Variants in SNX31 observed in about 807,000 individuals in gnomAD.
The protein encoded by SNX31 is sorting nexin 31, also known as sorting nexin-31.
In SNX31, 58 loss-of-function variants were observed where a neutral mutation model predicts 65.4. The ratio of observed to expected loss-of-function variants is 0.89; its 90% CI spans 0.72 to 1.10. The LOEUF is 1.10. SNX31 is among the 50% of genes least tolerant of loss of function. The pLI is 0.00. For synonymous variants in SNX31, 181 were observed against 190.1 expected (o/e 0.95, Z 0.39); for missense variants, 523 against 529.7 (o/e 0.99, Z 0.12).
intron 4 of SNX31, among the ~76,000 whole-genome samples, chr8:100,621,300 G>A (rs1265851241): frequency 6.6e-6 from 1 of 152,180 alleles, no homozygotes; most frequent in African/African-American, 2.4e-5. Flanking sequence ...TGTGATAACT[G>A]CAGCACTCTT....
At chr8:100,603,500 A>G (rs1815843916) in intron 8 of SNX31, among the ~76,000 whole-genome samples, 1 of 151,184 alleles carries the variant, frequency 6.6e-6, no homozygotes. Context: ...CAATGGCGCA[A>G]TCTCGGCTCA....
At chr8:100,636,451 G>A (rs370576382) in intron 2 of SNX31, among the ~76,000 whole-genome samples, 1 of 152,176 alleles carries the variant, frequency 6.6e-6, no homozygotes, top group South Asian at 2.1e-4. Flanking sequence ...GTAGCCACCA[G>A]TCACCTGTTG....
chr8:100,652,458 G>GTAT (rs1170844358), upstream of SNX31, among the ~76,000 whole-genome samples: 7 of 152,160 alleles, frequency 4.6e-5, no homozygotes, highest in Non-Finnish European at 1.0e-4. Context: ...CTTCTTATGA[G>GTAT]CCAGGCGCTG....
chr8:100,626,093 G>A lies in SNX31; in HGVS notation c.321+4234C>T, dbSNP rs1418727803. ...ATACAAAAATTAACTGGGTGTGGTG[G>A]CATGCGCCTGTAGTCCCAGCAACTC... On this transcript the variant is annotated intron_variant, in intron 4 of 13. Transcript: ENST00000311812. This position sits in a 1 kb window ranked among gnomAD's most constrained non-coding sequence, Gnocchi z 4.4. Among the ~76,000 whole-genome samples the A allele has an allele frequency of 1.3e-5, 2 of 152,266 alleles. No individual in the cohort carries two copies. Among genetic ancestry groups the A allele is most frequent in the East Asian group, 3.9e-4 (2 of 5,188 alleles).
intron 12 of SNX31, among the ~76,000 whole-genome samples, chr8:100,579,324 G>A (rs1309231382): frequency 2.0e-5 from 3 of 152,094 alleles, no homozygotes; most frequent in Non-Finnish European, 4.4e-5. Context: ...AATACTTTAT[G>A]TACTAGGGGG....
intron 1 of SNX31, among the ~76,000 whole-genome samples, chr8:100,662,497 A>C (rs1809804095): frequency 1.3e-5 from 2 of 152,178 alleles, no homozygotes; most frequent in Admixed American, 6.5e-5. Flanking sequence ...CAGGGGTTTG[A>C]GATCAGCCTG....
At chr8:100,590,784 A>AAACAAC (rs56687985) in intron 10 of SNX31, among the ~76,000 whole-genome samples, 10 of 151,740 alleles carry the variant, frequency 6.6e-5, no homozygotes, top group South Asian at 4.2e-4. Context: ...TCCATCTCGA[A>AAACAAC]AACAACAACA....
chr8:100,584,756 T>A (rs1303778203), intron 11 of SNX31, among the ~76,000 whole-genome samples: 1 of 150,106 alleles, frequency 6.7e-6, no homozygotes, highest in Non-Finnish European at 1.5e-5. Context: ...TTCTTTTTTT[T>A]TTTTTTTTCT....
At chr8:100,587,491 AC>A (rs372116018) in intron 11 of SNX31, among the ~76,000 whole-genome samples, 61 of 152,294 alleles carry the variant, frequency 4.0e-4, no homozygotes, top group African/African-American at 1.4e-3. Context: ...CTGATTAGCT[AC>A]CCTGAACACA....
chr8:100,647,840 C>G (rs780436573), intron 2 of SNX31, among the ~76,000 whole-genome samples: 1 of 152,196 alleles, frequency 6.6e-6, no homozygotes, highest in Non-Finnish European at 1.5e-5. Context: ...GCCTAAGACA[C>G]TCATCCTTTC....
intron 2 of SNX31, among the ~76,000 whole-genome samples, chr8:100,646,407 A>C (rs1819643814): frequency 6.6e-6 from 1 of 152,198 alleles, no homozygotes; most frequent in African/African-American, 2.4e-5. Context: ...CTCAGAAAGA[A>C]CAGTTGGTAA....
chr8:100,661,533 T>C (rs1394331245), intron 1 of SNX31, among the ~76,000 whole-genome samples: 1 of 152,078 alleles, frequency 6.6e-6, no homozygotes, highest in Non-Finnish European at 1.5e-5. Context: ...TGGGAAATAA[T>C]GATAGCTAAT....
upstream of SNX31, among the ~76,000 whole-genome samples, chr8:100,651,985 CT>C (rs35499660): frequency 0.45 from 66,992 of 149,472 alleles, 15,088 homozygotes; most frequent in South Asian, 0.54. Flanking sequence ...GTTTTTAATT[CT>C]TTTTTTTTTT....
At chr8:100,636,266 A>G (rs998701235) in intron 2 of SNX31, among the ~76,000 whole-genome samples, 1 of 152,188 alleles carries the variant, frequency 6.6e-6, no homozygotes, top group African/African-American at 2.4e-5. Context: ...GCTGAGATGT[A>G]TTTTTATTTT....
intron 1 of SNX31, 47 bp from the exon 2 acceptor site, chr8:100,649,395 G>C: frequency 1.2e-6 from 2 of 1,610,192 alleles, no homozygotes; most frequent in Non-Finnish European, 1.7e-6. Flanking sequence ...AGGGATAAGT[G>C]AGCATTGCCA....
rs778835930 is a variant in SNX31 at position 100,649,410 on chromosome 8, C to T, written c.66+39G>A. 5 of 1,594,906 alleles carry T rather than the reference C, an allele frequency of 3.1e-6. No homozygotes were observed. The East Asian group carries it at 9.0e-5, about 29-fold the overall frequency. On this transcript the variant is annotated intron_variant, in intron 1 of 13. Coordinates refer to ENST00000311812, the MANE Select transcript of SNX31 (RefSeq NM_152628.4). Reference sequence around the variant, plus strand: ...AGGGATAAGTGAGCATTGCCACCGGCCCCCTCCCTGCCCACCCTGACCCCA... The same window carrying T: ...AGGGATAAGTGAGCATTGCCACCGGTCCCCTCCCTGCCCACCCTGACCCCA...
Position 100,656,597 on chromosome 8 carries a change from C to T in SNX31, c.-58+6545G>A, listed in dbSNP as rs556417293. Among the ~76,000 whole-genome samples, 120 of 134,972 alleles carry T rather than the reference C, an allele frequency of 8.9e-4. 1 individual carries two copies. The highest frequency in any genetic ancestry group is 3.2e-3 in the African/African-American group (112 of 35,322). 88.5% of individuals were successfully genotyped at this position (134,972 alleles called of 152,430 possible). A position where few individuals can be genotyped will look rare whatever the true frequency, so the allele number is the denominator to read the frequency against. ...CGGAGGTTGCAGTGAGCCGAGATAA[C>T]GCCACTGCACTCCAGCCTGGGCAAC... On this transcript the variant is annotated intron_variant, in intron 1 of 5. Coordinates refer to the SNX31 transcript ENST00000520352.
chr8:100,573,567 T>G lies in SNX31; in HGVS notation c.*298A>C, dbSNP rs1812791431. 4.6e-6 allele frequency: 1 copy of G among 218,762 alleles called. No individual in the cohort carries two copies. Among genetic ancestry groups the G allele is most frequent in the East Asian group, 9.2e-5 (1 of 10,862 alleles). 13.6% of individuals were successfully genotyped at this position (218,762 alleles called of 1,614,324 possible). A position where few individuals can be genotyped will look rare whatever the true frequency, so the allele number is the denominator to read the frequency against. ...TAGAATGAGTTTTATATGAGTTGATTTGAATTTGCCACTTGTCATTTATGA... is the reference window on the plus strand; with the variant it reads ...TAGAATGAGTTTTATATGAGTTGATGTGAATTTGCCACTTGTCATTTATGA... On this transcript the variant is annotated 3_prime_UTR_variant, in exon 14 of 14. Coordinates refer to ENST00000311812, the MANE Select transcript of SNX31 (RefSeq NM_152628.4).
Position 100,629,531 on chromosome 8 carries a change from A to G in SNX31, c.321+796T>C, listed in dbSNP as rs1280358171. ...ACATGAGATTTGTTGTGAGAACCCA[A>G]TGGGATTTTATTTTATAAATGAGTA... is the stretch of plus-strand genomic sequence containing the variant. On this transcript the variant is annotated intron_variant, in intron 4 of 13. Coordinates refer to ENST00000311812, the MANE Select transcript of SNX31 (RefSeq NM_152628.4). This position sits in a 1 kb window ranked among gnomAD's most constrained non-coding sequence, Gnocchi z 5.1. Among the ~76,000 whole-genome samples the G allele has an allele frequency of 2.6e-5, 4 of 152,186 alleles. No homozygotes were observed. The highest frequency in any genetic ancestry group is 4.8e-5 in the African/African-American group (2 of 41,462).
Sources: gnomAD v4.1 joint callset for allele counts (sites outside exome capture counted in the v4.1 genomes callset) on GRCh38, gnomAD v4.1.1 for gene constraint, Gnocchi (gnomAD v3.1) non-coding constraint, MANE v1.5 for transcripts, NCBI Gene and HGNC (gene_info 2026-07-23, HGNC 2026-07-21) for gene names.